ARMH3: variants seen among roughly 807,000 people sequenced by gnomAD.
ARMH3 encodes armadillo-like helical domain-containing protein 3.
A neutral mutation model predicts 99.1 loss-of-function variants in ARMH3; 60 were observed. The ratio of observed to expected loss-of-function variants is 0.61; its 90% CI spans 0.49 to 0.75. ARMH3 has a LOEUF of 0.75. ARMH3 is among the 30% of genes least tolerant of loss of function. The pLI, the probability that ARMH3 is intolerant of heterozygous loss-of-function variation, is 0.00. For missense variants in ARMH3, 679 were observed against 843.1 expected (o/e 0.81, Z 2.41); for synonymous variants, 285 against 292.8 (o/e 0.97, Z 0.27).
chr10:102,009,906 C>G, intron 12 of ARMH3, 71 bp downstream of exon 12: 1 of 1,396,958 alleles, frequency 7.2e-7, no homozygotes, highest in Non-Finnish European at 1.0e-6. Context: ...GGTAACACTG[C>G]ACACTCTCAT....
At chr10:101,880,210 G>C (rs566888719) in intron 24 of ARMH3, among the ~76,000 whole-genome samples, 2 of 152,206 alleles carry the variant, frequency 1.3e-5, no homozygotes, top group Non-Finnish European at 2.9e-5. Flanking sequence ...TATGGCTGTC[G>C]TGGGAGTCTT....
At chr10:101,968,565 T>A (rs1397113413) in intron 20 of ARMH3, among the ~76,000 whole-genome samples, 5 of 152,218 alleles carry the variant, frequency 3.3e-5, no homozygotes, top group Admixed American at 2.6e-4. Context: ...CTCATGGGCC[T>A]ATGAGAGTTG....
At chr10:102,020,634 C>T (rs1045086020) in intron 8 of ARMH3, among the ~76,000 whole-genome samples, 2 of 148,458 alleles carry the variant, frequency 1.3e-5, no homozygotes, top group Non-Finnish European at 3.0e-5. Context: ...TGCAGTGACC[C>T]GAGATCACAC....
intron 19 of ARMH3, among the ~76,000 whole-genome samples, chr10:101,985,366 T>C (rs1047150531): frequency 6.6e-6 from 1 of 151,140 alleles, no homozygotes; most frequent in African/African-American, 2.4e-5. Flanking sequence ...TATGTATACA[T>C]GTATATATAA....
intron 24 of ARMH3, among the ~76,000 whole-genome samples, chr10:101,880,871 A>AGT (rs1332945201): frequency 2.0e-5 from 3 of 152,172 alleles, no homozygotes; most frequent in Admixed American, 1.3e-4. Flanking sequence ...TCCTCTTATG[A>AGT]GTGCTTCGAT....
intron 24 of ARMH3, among the ~76,000 whole-genome samples, chr10:101,855,883 T>C (rs907284122): frequency 6.6e-6 from 1 of 151,756 alleles, no homozygotes; most frequent in Non-Finnish European, 1.5e-5. Flanking sequence ...CCCAGAAAGA[T>C]TGTAAATTGC....
intron 23 of ARMH3, among the ~76,000 whole-genome samples, chr10:101,891,200 CTTT>C (rs879870237): frequency 7.0e-6 from 1 of 142,332 alleles, no homozygotes. Context: ...TTCTTTCTTC[CTTT>C]TTTTTTTTTG....
At chr10:101,897,481 C>T (rs1659954514) in intron 23 of ARMH3, among the ~76,000 whole-genome samples, 1 of 152,186 alleles carries the variant, frequency 6.6e-6, no homozygotes, top group African/African-American at 2.4e-5. Flanking sequence ...ACACTGATGA[C>T]AATAAAGCTT....
At chr10:101,864,076 A>ACACAC (rs1194790506) in intron 24 of ARMH3, among the ~76,000 whole-genome samples, 10 of 128,250 alleles carry the variant, frequency 7.8e-5, no homozygotes, top group East Asian at 5.0e-4. Flanking sequence ...AAAAAAAAAA[A>ACACAC]AAACACACAC....
intron 22 of ARMH3, among the ~76,000 whole-genome samples, chr10:101,953,661 A>G (rs1031220687): frequency 1.6e-4 from 25 of 151,926 alleles, no homozygotes; most frequent in African/African-American, 6.0e-4. Flanking sequence ...ACGCAAAGTT[A>G]AAAACAGTGA....
intron 23 of ARMH3, among the ~76,000 whole-genome samples, chr10:101,900,491 G>A (rs2067947133): frequency 6.6e-6 from 1 of 152,110 alleles, no homozygotes; most frequent in South Asian, 2.1e-4. Context: ...TTTGATTAAT[G>A]GTGAACATTC....
chr10:101,898,686 G>A (rs1042146961), intron 23 of ARMH3, among the ~76,000 whole-genome samples: 7 of 152,140 alleles, frequency 4.6e-5, no homozygotes, highest in African/African-American at 4.8e-5. Context: ...ACGCGCACAC[G>A]CGCACACACA....
intron 1 of ARMH3, among the ~76,000 whole-genome samples, chr10:102,055,799 A>T (rs924599729): frequency 1.3e-5 from 2 of 152,184 alleles, no homozygotes; most frequent in Non-Finnish European, 2.9e-5. Context: ...AAGGCCCCGC[A>T]GGGATGCGGG....
intron 13 of ARMH3, among the ~76,000 whole-genome samples, chr10:102,007,333 AT>A (rs970120808): frequency 6.9e-6 from 1 of 144,368 alleles, no homozygotes; most frequent in Non-Finnish European, 1.5e-5. Context: ...CACCACAGAC[AT>A]TTAAAAAAAA....
intron 5 of ARMH3, among the ~76,000 whole-genome samples, chr10:102,027,856 G>C (rs1016440271): frequency 4.0e-5 from 6 of 151,516 alleles, no homozygotes; most frequent in Non-Finnish European, 7.4e-5. Flanking sequence ...CTGGTATACA[G>C]ATTTATTTTA....
intron 15 of ARMH3, among the ~76,000 whole-genome samples, chr10:101,998,633 A>C (rs1847167191): frequency 1.3e-5 from 2 of 152,024 alleles, no homozygotes. Flanking sequence ...TCCCATACTT[A>C]CCTTTTAGCT....
At chr10:102,036,015 C>T (rs1214453063) in intron 2 of ARMH3, among the ~76,000 whole-genome samples, 1 of 151,826 alleles carries the variant, frequency 6.6e-6, no homozygotes, top group Non-Finnish European at 1.5e-5. Flanking sequence ...TCTGCCCGGC[C>T]GCGACCCCGA....
intron 4 of ARMH3, chr10:102,032,790 A>G (rs1182723611): frequency 2.2e-6 from 1 of 449,468 alleles, no homozygotes; most frequent in Non-Finnish European, 3.9e-6. Flanking sequence ...AATTCTGTCT[A>G]AGAATCTACT....
chr10:101,886,771 C>T (rs1177038630), intron 24 of ARMH3, among the ~76,000 whole-genome samples: 1 of 152,106 alleles, frequency 6.6e-6, no homozygotes, highest in Non-Finnish European at 1.5e-5. Context: ...ATTCACAAAT[C>T]TCTTTGCCAG....
Sources: gnomAD v4.1 joint callset for allele counts (sites outside exome capture counted in the v4.1 genomes callset) on GRCh38, gnomAD v4.1.1 for gene constraint, MANE v1.5 for transcripts, NCBI Gene and HGNC (gene_info 2026-07-23, HGNC 2026-07-21) for gene names.